DAB1: variants seen among roughly 807,000 people sequenced by gnomAD.
DAB1 encodes the protein disabled homolog 1.
Under a neutral mutation model 64.6 loss-of-function variants are expected in DAB1, and 15 were observed. The ratio of observed to expected loss-of-function variants is 0.23; its 90% confidence interval spans 0.16 to 0.36. The LOEUF (loss-of-function observed/expected upper bound fraction) is 0.36, where lower values mean the gene tolerates loss of function less well. Ranked by LOEUF, DAB1 falls within the 10% of genes least tolerant of loss-of-function variation. The pLI, the probability that DAB1 is intolerant of heterozygous loss-of-function variation, is 1.00. For missense variants in DAB1, 596 were observed against 706.7 expected (o/e 0.84, Z 1.78); for synonymous variants, 235 against 251.9 (o/e 0.93, Z 0.64).
intron 5 of DAB1, among the ~76,000 whole-genome samples, chr1:58,039,255 C>G (rs750792824): frequency 2.0e-5 from 3 of 152,168 alleles, no homozygotes; most frequent in Non-Finnish European, 4.4e-5. Flanking sequence ...CATTTATCCA[C>G]TTGCCCCTAT....
intron 2 of DAB1, among the ~76,000 whole-genome samples, chr1:57,231,702 G>GT: frequency 6.6e-6 from 1 of 152,182 alleles, no homozygotes; most frequent in Non-Finnish European, 1.5e-5. Context: ...TATAGAAGTA[G>GT]TAAGTGATGG....
intron 6 of DAB1, among the ~76,000 whole-genome samples, chr1:57,715,319 A>T (rs1647071741): frequency 6.6e-6 from 1 of 152,238 alleles, no homozygotes; most frequent in African/African-American, 2.4e-5. Flanking sequence ...CACAGCTAAC[A>T]TCATAATGAA....
At chr1:58,250,574 C>T (rs1237634530) in intron 4 of DAB1, among the ~76,000 whole-genome samples, 1 of 152,220 alleles carries the variant, frequency 6.6e-6, no homozygotes, top group Admixed American at 6.5e-5. Flanking sequence ...TAGGGGAGCC[C>T]CTCAGCATTT....
chr1:57,916,310 C>G (rs575586700), intron 5 of DAB1, among the ~76,000 whole-genome samples: 1 of 152,270 alleles, frequency 6.6e-6, no homozygotes, highest in East Asian at 1.9e-4. Context: ...GTCAGCCATG[C>G]CTTCACTGGT....
chr1:57,562,579 G>A (rs1363239887), intron 7 of DAB1, among the ~76,000 whole-genome samples: 1 of 152,144 alleles, frequency 6.6e-6, no homozygotes, highest in Non-Finnish European at 1.5e-5. Flanking sequence ...TGTATGCTCT[G>A]AATCAGCATC....
intron 6 of DAB1, among the ~76,000 whole-genome samples, chr1:57,775,754 T>A (rs2101835816): frequency 6.6e-6 from 1 of 151,754 alleles, no homozygotes; most frequent in East Asian, 1.9e-4. Flanking sequence ...TATATTCTAC[T>A]GATTTTTTTA....
intron 5 of DAB1, among the ~76,000 whole-genome samples, chr1:58,132,314 A>G (rs918717536): frequency 3.5e-4 from 54 of 152,196 alleles, no homozygotes; most frequent in East Asian, 7.8e-4. Flanking sequence ...ACCCTGCTTC[A>G]GCTCGCGCAC....
chr1:57,771,644 T>A (rs1649567041), intron 6 of DAB1, among the ~76,000 whole-genome samples: 1 of 152,152 alleles, frequency 6.6e-6, no homozygotes, highest in African/African-American at 2.4e-5. Context: ...CATTATGTTT[T>A]GGCAAATTCG....
chr1:57,322,059 T>G (rs1309199632), intron 1 of DAB1, among the ~76,000 whole-genome samples: 2 of 152,210 alleles, frequency 1.3e-5, no homozygotes, highest in Non-Finnish European at 2.9e-5. Flanking sequence ...GCCCTAGCTA[T>G]GTCCTGTGGA....
At chr1:57,248,297 C>T (rs1167984808) in intron 2 of DAB1, among the ~76,000 whole-genome samples, 1 of 151,362 alleles carries the variant, frequency 6.6e-6, no homozygotes, top group African/African-American at 2.4e-5. Flanking sequence ...TTGGTTGAAC[C>T]TGAGAATGCC....
At chr1:57,288,548 A>G (rs529482587) in intron 2 of DAB1, among the ~76,000 whole-genome samples, 1 of 152,182 alleles carries the variant, frequency 6.6e-6, no homozygotes, top group African/African-American at 2.4e-5. Context: ...GAAGATGACC[A>G]TCTATGAGCC....
chr1:57,030,113 T>C (rs1646921638), intron 9 of DAB1, among the ~76,000 whole-genome samples: 1 of 152,164 alleles, frequency 6.6e-6, no homozygotes, highest in Non-Finnish European at 1.5e-5. Context: ...AATTCAATCA[T>C]GGGGGCTGGT....
At chr1:58,070,839 G>T (rs1294781762) in intron 5 of DAB1, among the ~76,000 whole-genome samples, 1 of 152,180 alleles carries the variant, frequency 6.6e-6, no homozygotes, top group African/African-American at 2.4e-5. Flanking sequence ...GATGAATGGA[G>T]CTGCTGCAAG....
At chr1:58,235,851 C>A (rs1660001957) in intron 4 of DAB1, among the ~76,000 whole-genome samples, 1 of 152,170 alleles carries the variant, frequency 6.6e-6, no homozygotes, top group African/African-American at 2.4e-5. Context: ...GGCCCTTAGA[C>A]CAGGCAGGCC....
intron 2 of DAB1, among the ~76,000 whole-genome samples, chr1:57,197,962 A>T (rs1316690054): frequency 2.0e-5 from 3 of 152,250 alleles, no homozygotes; most frequent in South Asian, 4.1e-4. Flanking sequence ...GAAATAGAAG[A>T]TCTCTTTGCA....
intron 5 of DAB1, among the ~76,000 whole-genome samples, chr1:57,953,141 C>T (rs545480002): frequency 2.6e-5 from 4 of 152,344 alleles, no homozygotes; most frequent in Admixed American, 2.0e-4. Context: ...AGAATTCCCA[C>T]CAAGGCTGTG....
At chr1:57,995,545 T>C (rs1159355180) in intron 5 of DAB1, among the ~76,000 whole-genome samples, 2 of 152,218 alleles carry the variant, frequency 1.3e-5, no homozygotes, top group Non-Finnish European at 2.9e-5. Flanking sequence ...AAATGCCAGT[T>C]GGTTATTAAT....
chr1:58,194,192 G>A (rs1056054575), intron 4 of DAB1, among the ~76,000 whole-genome samples: 2 of 152,160 alleles, frequency 1.3e-5, no homozygotes, highest in African/African-American at 4.8e-5. Flanking sequence ...TAAGGGAAGT[G>A]CATATACCCA....
At position 57,283,868 on chromosome 1, in the gene DAB1, C is replaced by T. The variant is rs189787718; in HGVS notation, c.67+7096G>A. On this transcript the variant is annotated intron_variant, in intron 2 of 14. Coordinates refer to ENST00000371236, the MANE Select transcript of DAB1 (RefSeq NM_001365792.1). The stretch of plus-strand genomic sequence containing the variant: ...GAGTGACCACTGACAAATCATTTTC[C>T]TCTTGAGACCTCACCTGTGACAACC... 2.1e-3 allele frequency among the ~76,000 whole-genome samples: 319 copies of T among 152,292 alleles called. 4 individuals are homozygous for T. The highest frequency in any genetic ancestry group is 6.7e-3 in the African/African-American group (278 of 41,550).
Sources: allele counts gnomAD v4.1 joint callset (sites outside exome capture counted in the v4.1 genomes callset), GRCh38; gene constraint gnomAD v4.1.1; transcripts MANE v1.5; gene names NCBI Gene and HGNC (gene_info 2026-07-23, HGNC 2026-07-21).